DSCAM: variants seen among roughly 807,000 people sequenced by gnomAD.
DSCAM encodes DS cell adhesion molecule.
Under a neutral mutation model 217.7 loss-of-function variants are expected in DSCAM, and 47 were observed. That is an observed-to-expected ratio of 0.22 (90% confidence interval 0.17 to 0.28). The LOEUF (loss-of-function observed/expected upper bound fraction) is 0.28. Ranked by LOEUF, DSCAM falls within the 10% of genes least tolerant of loss-of-function variation. DSCAM has a pLI of 1.00. For missense variants in DSCAM, 2,080 were observed against 2,618.3 expected (o/e 0.79, Z 4.49); for synonymous variants, 1,056 against 1,015.3 (o/e 1.04, Z -0.76).
chr21:40,132,788 T>C (rs775813143), intron 19 of DSCAM, among the ~76,000 whole-genome samples: 33 of 152,320 alleles, frequency 2.2e-4, no homozygotes, highest in Non-Finnish European at 3.4e-4. Flanking sequence ...GAGCGTATCA[T>C]GGCCCCTGAG....
In DSCAM at chr21:40,547,874, A is replaced by AAGGC. The variant is rs762641199; in HGVS notation, c.508+144932_508+144935dup. Among the ~76,000 whole-genome samples the AAGGC allele has an allele frequency of 8.7e-4, 132 of 152,326 alleles. 1 individual carries two copies. The highest frequency in any genetic ancestry group is 1.5e-3 in the Non-Finnish European group (99 of 68,036). ...GCTGAGAAAGGCAGGGAGCAAGACG[A>AAGGC]AGGCAGGCAGGCAGCATTTCCTCTA... On this transcript the variant is annotated intron_variant, in intron 3 of 32. Coordinates refer to ENST00000400454, the MANE Select transcript of DSCAM (RefSeq NM_001389.5).
intron 3 of DSCAM, among the ~76,000 whole-genome samples, chr21:40,554,402 T>C (rs1344253880): frequency 6.6e-6 from 1 of 152,128 alleles, no homozygotes; most frequent in Non-Finnish European, 1.5e-5. Context: ...AGGAATGTTT[T>C]CCCCTGGCCA....
intron 9 of DSCAM, among the ~76,000 whole-genome samples, chr21:40,304,837 G>A (rs2074054397): frequency 6.6e-6 from 1 of 152,158 alleles, no homozygotes; most frequent in Non-Finnish European, 1.5e-5. Flanking sequence ...TATCGATTAA[G>A]TTTGCCATCT....
chr21:40,518,509 A>AT lies in DSCAM; in HGVS notation c.509-149265_509-149264insA, dbSNP rs1568871611. On this transcript the variant is annotated intron_variant, in intron 3 of 32. Transcript: ENST00000400454. ...TATATATATTATATATTATATATAT[A>AT]ATATATATAATATATATTTTATATA... Among the ~76,000 whole-genome samples, 48 of 11,542 alleles carry AT rather than the reference A, an allele frequency of 4.2e-3. 2 individuals carry two copies. Among genetic ancestry groups the AT allele is most frequent in the African/African-American group, 0.033 (45 of 1,358 alleles). 7.6% of individuals were successfully genotyped at this position (11,542 alleles called of 152,430 possible). A position where few individuals can be genotyped will look rare whatever the true frequency, so the allele number is the denominator to read the frequency against.
At chr21:40,535,034 G>C (rs1385651011) in intron 3 of DSCAM, among the ~76,000 whole-genome samples, 1 of 152,100 alleles carries the variant, frequency 6.6e-6, no homozygotes, top group Non-Finnish European at 1.5e-5. Context: ...TCACAGTTAA[G>C]ACTGTAACCT....
At chr21:40,248,305 G>T (rs375690391) in intron 11 of DSCAM, among the ~76,000 whole-genome samples, 91 of 152,222 alleles carry the variant, frequency 6.0e-4, no homozygotes, top group African/African-American at 2.1e-3. Context: ...CTATCACATT[G>T]TCAGGCTGCA....
chr21:40,535,789 C>T (rs993198691), intron 3 of DSCAM, among the ~76,000 whole-genome samples: 1 of 152,094 alleles, frequency 6.6e-6, no homozygotes, highest in Non-Finnish European at 1.5e-5. Context: ...TCAGATACAC[C>T]TAAATGGAGC....
chr21:40,619,523 T>C (rs1012647222), intron 3 of DSCAM, among the ~76,000 whole-genome samples: 2 of 152,178 alleles, frequency 1.3e-5, no homozygotes, highest in Non-Finnish European at 2.9e-5. Context: ...TATTCAACTA[T>C]TCTAATATAA....
rs1601380123 is a variant in DSCAM, at chr21:40,144,474, G to A, written c.3259+17C>T. On this transcript the variant is annotated intron_variant, in intron 17 of 32. Transcript: ENST00000400454. The surrounding 1 kb of genome is among the most constrained non-coding windows in gnomAD (Gnocchi z 4.8). ...TTGCGGAGGGAAAAGCCACGACCAG[G>A]CCCCGGCCGAACCTACCATCCTCGA... The A allele has an allele frequency of 1.2e-6, 2 of 1,613,044 alleles. No individual in the cohort carries two copies. Among genetic ancestry groups the A allele is most frequent in the East Asian group, 4.5e-5 (2 of 44,826 alleles).
chr21:40,821,644 C>T (rs561465997), intron 1 of DSCAM, among the ~76,000 whole-genome samples: 14 of 152,200 alleles, frequency 9.2e-5, no homozygotes, highest in South Asian at 6.2e-4. Flanking sequence ...CATAGTATTC[C>T]GTGGTATATA....
At chr21:40,322,682 AC>A (rs972985665) in intron 8 of DSCAM, among the ~76,000 whole-genome samples, 3 of 151,818 alleles carry the variant, frequency 2.0e-5, no homozygotes, top group Non-Finnish European at 4.4e-5. Context: ...CCGCCATTAC[AC>A]CTGGCTAATT....
At chr21:40,641,078 A>G (rs925792149) in intron 3 of DSCAM, among the ~76,000 whole-genome samples, 3 of 152,166 alleles carry the variant, frequency 2.0e-5, no homozygotes, top group African/African-American at 7.2e-5. Flanking sequence ...AAATAACCAA[A>G]CCTAGTAATA....
chr21:40,020,643 G>A (rs1044291878), intron 32 of DSCAM, among the ~76,000 whole-genome samples: 23 of 152,236 alleles, frequency 1.5e-4, no homozygotes, highest in African/African-American at 4.8e-4. Flanking sequence ...CTGGTAGGAG[G>A]ATCCAGCTCA....
In DSCAM at chr21:40,201,263, A is replaced by G. The variant is rs139909801; in HGVS notation, c.2357-12025T>C. On this transcript the variant is annotated intron_variant, in intron 11 of 32. Transcript: ENST00000400454. Reference sequence around the variant, plus strand: ...ATTCACTCTGAAGTTATTTCAAGTCACATTATTGGAAGAAAGTTGATTTAT... The same window carrying G: ...ATTCACTCTGAAGTTATTTCAAGTCGCATTATTGGAAGAAAGTTGATTTAT... 7.2e-4 allele frequency among the ~76,000 whole-genome samples: 109 copies of G among 152,374 alleles called. 2 individuals carry two copies. The highest frequency in any genetic ancestry group is 1.2e-3 in the Non-Finnish European group (81 of 68,044).
rs781304249 is a variant in DSCAM at position 40,085,610 on chromosome 21, T to C, written c.4124A>G (p.Gln1375Arg). 6 of 1,564,792 alleles carry C rather than the reference T, an allele frequency of 3.8e-6. No individual in the cohort carries two copies. In the African/African-American group the frequency reaches 5.4e-5, roughly 14 times the overall value. ...WGSDEIILNL[Q>R]VQVPPDQPRL... ...GTCCTCAAATGTTGTACCTTGTACT[T>C]GTAAGTTTAAAATAATTTCATCAGA... Residue 1375 changes from glutamine (Q) to arginine (R), a missense_variant, in exon 23 of 33, where the codon CAA becomes CGA. By Grantham distance (43) the Gln-to-Arg change is conservative. This residue lies in a region of DSCAM where 1,144 missense variants were observed against 1,421.1 expected (regional missense o/e 0.81). Coordinates refer to ENST00000400454, the MANE Select transcript of DSCAM (RefSeq NM_001389.5).
intron 3 of DSCAM, among the ~76,000 whole-genome samples, chr21:40,391,297 C>T (rs1267920386): frequency 2.6e-5 from 4 of 152,168 alleles, no homozygotes; most frequent in African/African-American, 7.2e-5. Context: ...GCTTAAAAAT[C>T]GCTGAGTGCA....
At chr21:40,425,362 C>T (rs1165364180) in intron 3 of DSCAM, among the ~76,000 whole-genome samples, 2 of 152,014 alleles carry the variant, frequency 1.3e-5, no homozygotes, top group Admixed American at 1.3e-4. Flanking sequence ...CCCGTCTCTA[C>T]TAAAAATAAC....
intron 3 of DSCAM, among the ~76,000 whole-genome samples, chr21:40,578,591 C>G (rs532266128): frequency 2.0e-5 from 3 of 152,170 alleles, no homozygotes; most frequent in Non-Finnish European, 4.4e-5. Flanking sequence ...CAGCAGCACC[C>G]AGCGTGGGAC....
intron 28 of DSCAM, among the ~76,000 whole-genome samples, chr21:40,060,644 G>C (rs1260099710): frequency 6.6e-6 from 1 of 152,158 alleles, no homozygotes; most frequent in Non-Finnish European, 1.5e-5. Context: ...CTACCTCCAG[G>C]CACCATTATC....
Sources: gnomAD v4.1 joint callset for allele counts (sites outside exome capture counted in the v4.1 genomes callset) on GRCh38, gnomAD v4.1.1 for gene constraint, gnomAD v4.1.1 regional missense constraint, Gnocchi (gnomAD v3.1) non-coding constraint, MANE v1.5 for transcripts, NCBI Gene and HGNC (gene_info 2026-07-23, HGNC 2026-07-21) for gene names.